Variants in CTNNA3 observed in about 807,000 individuals in gnomAD.
CTNNA3 encodes catenin alpha 3.
In CTNNA3, 76 loss-of-function variants were observed where a neutral mutation model predicts 95.7. That is an observed-to-expected ratio of 0.79 (90% CI 0.66 to 0.96). The LOEUF (loss-of-function observed/expected upper bound fraction) is 0.96, where lower values mean the gene tolerates loss of function less well. CTNNA3 is among the 40% of genes least tolerant of loss of function. The pLI, the probability that CTNNA3 is intolerant of heterozygous loss-of-function variation, is 0.00. For missense variants in CTNNA3, 1,191 were observed against 1,089.8 expected (o/e 1.09, Z -1.31); for synonymous variants, 431 against 374.4 (o/e 1.15, Z -1.74).
chr10:67,095,934 A>G (rs943901169), intron 7 of CTNNA3, among the ~76,000 whole-genome samples: 2 of 151,814 alleles, frequency 1.3e-5, no homozygotes, highest in Non-Finnish European at 2.9e-5. Context: ...ATTTATTTTA[A>G]ATGGAAGTAT....
chr10:66,368,700 C>A (rs1424722711), intron 12 of CTNNA3, among the ~76,000 whole-genome samples: 2 of 151,988 alleles, frequency 1.3e-5, no homozygotes, highest in African/African-American at 4.8e-5. Flanking sequence ...ACAGAAGTAG[C>A]TATTAAAGGA....
rs535464397 is a variant in CTNNA3 at position 66,111,306 on chromosome 10, C to T, written c.1885-8057G>A. ...CCATGATTGTAAGTTTCCTGAGGCC[C>T]CTCCAGCCATGCTTCCTGTACAGCC... On this transcript the variant is annotated intron_variant, in intron 13 of 17. Transcript: ENST00000433211. 2.0e-3 allele frequency among the ~76,000 whole-genome samples: 309 copies of T among 152,254 alleles called. 1 individual carries two copies. The highest frequency in any genetic ancestry group is 6.9e-3 in the African/African-American group (286 of 41,542).
chr10:66,171,447 G>C (rs2085424968), intron 13 of CTNNA3, among the ~76,000 whole-genome samples: 1 of 151,442 alleles, frequency 6.6e-6, no homozygotes. Context: ...TTGGGAGGCT[G>C]AGGCAGGAGA....
intron 5 of CTNNA3, among the ~76,000 whole-genome samples, chr10:67,369,116 C>T (rs1193497221): frequency 6.6e-6 from 1 of 152,090 alleles, no homozygotes; most frequent in Non-Finnish European, 1.5e-5. Context: ...ATGTATAATG[C>T]ATTACATATA....
rs527996690 is a variant in CTNNA3, at chr10:67,004,128, G to T, written c.1047+176189C>A. Among the ~76,000 whole-genome samples the T allele has an allele frequency of 3.9e-5, 6 of 151,902 alleles. No individual in the cohort carries two copies. In the South Asian group the frequency reaches 1.2e-3, roughly 32 times the overall value. On this transcript the variant is annotated intron_variant, in intron 7 of 17. Transcript: ENST00000433211. ...CCACCTGCCAAGATCTGGCTGTGGA[G>T]CCATGGCTGTGTATCAGCCATGTAT...
intron 13 of CTNNA3, among the ~76,000 whole-genome samples, chr10:66,197,457 A>G (rs1173125884): frequency 6.6e-6 from 1 of 152,198 alleles, no homozygotes; most frequent in African/African-American, 2.4e-5. Context: ...TCATAAACCT[A>G]GACAAACACA....
intron 13 of CTNNA3, among the ~76,000 whole-genome samples, chr10:66,193,310 A>G (rs2086781119): frequency 6.6e-6 from 1 of 152,196 alleles, no homozygotes; most frequent in South Asian, 2.1e-4. Context: ...GAGTCCGACA[A>G]TAAATACAAT....
chr10:67,634,015 A>C (rs1839228776), intron 2 of CTNNA3, among the ~76,000 whole-genome samples: 1 of 152,146 alleles, frequency 6.6e-6, no homozygotes, highest in Non-Finnish European at 1.5e-5. Context: ...ATCAACCCCA[A>C]GACAAATAAT....
chr10:66,919,903 A>G (rs1035866093), intron 7 of CTNNA3, among the ~76,000 whole-genome samples: 3 of 152,240 alleles, frequency 2.0e-5, no homozygotes, highest in African/African-American at 7.2e-5. Context: ...GGTCACAAAC[A>G]TTAAACTCTT....
At chr10:67,146,848 AT>A (rs1860869754) in intron 7 of CTNNA3, among the ~76,000 whole-genome samples, 1 of 152,174 alleles carries the variant, frequency 6.6e-6, no homozygotes, top group South Asian at 2.1e-4. Context: ...TTATAATAAC[AT>A]TTTTACTGGG....
chr10:67,340,405 T>C (rs1388793675), intron 5 of CTNNA3, among the ~76,000 whole-genome samples: 4 of 152,236 alleles, frequency 2.6e-5, no homozygotes, highest in South Asian at 4.1e-4. Context: ...GGTATCTCCA[T>C]AGACATGGTT....
At chr10:67,105,638 T>C (rs573915769) in intron 7 of CTNNA3, among the ~76,000 whole-genome samples, 8 of 152,304 alleles carry the variant, frequency 5.3e-5, no homozygotes. Flanking sequence ...ACCGCTGTTT[T>C]TCTGTTCTAC....
chr10:66,088,438 A>C (rs1187940978), intron 14 of CTNNA3, among the ~76,000 whole-genome samples: 3 of 150,052 alleles, frequency 2.0e-5, no homozygotes, highest in African/African-American at 7.4e-5. Context: ...TCTACATGTT[A>C]TTAATGGTTA....
chr10:66,306,189 G>A (rs1589059534), intron 12 of CTNNA3, among the ~76,000 whole-genome samples: 2 of 152,196 alleles, frequency 1.3e-5, no homozygotes, highest in Non-Finnish European at 2.9e-5. Flanking sequence ...TGGAAGCACA[G>A]ATAGTGGACA....
intron 7 of CTNNA3, among the ~76,000 whole-genome samples, chr10:66,800,296 G>C (rs1029996492): frequency 4.0e-5 from 6 of 151,134 alleles, no homozygotes; most frequent in Non-Finnish European, 8.9e-5. Flanking sequence ...GAACTCTTTT[G>C]ATAAATTAAT....
In CTNNA3 at chr10:67,219,994, A is replaced by C. The variant is rs1589880747; in HGVS notation, c.580-124T>G. ...AATAGACATGAAGAAGTCAGCTATAAGTTATAATCAAGGGCATCTATTATT... is the reference window on the plus strand; with the variant it reads ...AATAGACATGAAGAAGTCAGCTATACGTTATAATCAAGGGCATCTATTATT... On this transcript the variant is annotated intron_variant, in intron 5 of 17. Transcript: ENST00000433211. The C allele has an allele frequency of 2.4e-5, 18 of 741,368 alleles. No homozygotes were observed. In the East Asian group the frequency reaches 4.9e-4, roughly 20 times the overall value. 45.9% of individuals were successfully genotyped at this position (741,368 alleles called of 1,614,324 possible). A position where few individuals can be genotyped will look rare whatever the true frequency, so the allele number is the denominator to read the frequency against.
At chr10:67,548,901 C>A (rs1840927629) in intron 3 of CTNNA3, among the ~76,000 whole-genome samples, 1 of 151,852 alleles carries the variant, frequency 6.6e-6, no homozygotes, top group Admixed American at 6.6e-5. Context: ...AAAAAACTTA[C>A]TACTTAATAA....
chr10:67,442,697 C>A (rs1195134041), intron 5 of CTNNA3, among the ~76,000 whole-genome samples: 1 of 151,926 alleles, frequency 6.6e-6, no homozygotes, highest in Non-Finnish European at 1.5e-5. Flanking sequence ...TATATATGCA[C>A]CCAATGATAG....
At chr10:67,200,391 G>A (rs1297218689) in intron 6 of CTNNA3, among the ~76,000 whole-genome samples, 6 of 152,086 alleles carry the variant, frequency 3.9e-5, no homozygotes, top group Non-Finnish European at 8.8e-5. Flanking sequence ...TTAAAATAAA[G>A]AAAGGCAGTT....
Sources: gnomAD v4.1 joint callset for allele counts (sites outside exome capture counted in the v4.1 genomes callset) on GRCh38, gnomAD v4.1.1 for gene constraint, MANE v1.5 for transcripts, NCBI Gene and HGNC (gene_info 2026-07-23, HGNC 2026-07-21) for gene names.